CAPN15: variants seen among roughly 807,000 people sequenced by gnomAD.
CAPN15 encodes the protein calpain 15.
In CAPN15, 53 loss-of-function variants were observed where a neutral mutation model predicts 97.9. The ratio of observed to expected loss-of-function variants is 0.54; its 90% CI spans 0.43 to 0.68. The LOEUF is 0.68. Among genes scored for constraint, CAPN15 ranks in the 30% least tolerant of loss-of-function variants. The probability of loss-of-function intolerance (pLI) is 0.00; values close to 1 mark genes in which losing one functional copy is unlikely to be tolerated. For missense variants in CAPN15, 1,592 were observed against 1,589.8 expected (o/e 1.00, Z -0.02); for synonymous variants, 922 against 722.5 (o/e 1.28, Z -4.43).
chr16:531,570 C>T (rs977789732), intron 1 of CAPN15, among the ~76,000 whole-genome samples: 2 of 152,198 alleles, frequency 1.3e-5, no homozygotes, highest in Non-Finnish European at 1.5e-5. Context: ...CACGAGGCCT[C>T]CTCTGGGTTA....
At chr16:540,011 G>T (rs574086600) in intron 3 of CAPN15, 5 of 932,872 alleles carry the variant, frequency 5.4e-6, no homozygotes, top group Non-Finnish European at 5.1e-6. Context: ...AAGTCCTCCC[G>T]GGCTGTGTGT....
At chr16:538,307 A>ATT (rs2033872247) in intron 3 of CAPN15, 3 of 35,658 alleles carry the variant, frequency 8.4e-5, no homozygotes, top group African/African-American at 8.1e-4. Context: ...TTTTTTTTTG[A>ATT]TTTTTTTCCA....
intron 9 of CAPN15, 68 bp from the exon 10 acceptor site, chr16:551,983 G>T: frequency 6.7e-7 from 1 of 1,487,832 alleles, no homozygotes; most frequent in East Asian, 2.5e-5. Context: ...CTGTGGTTGC[G>T]GTAGGCGCTG....
In CAPN15 at chr16:528,041, C is replaced by G. The variant is rs1483721248; in HGVS notation, c.-190+12C>G. On this transcript the variant is annotated intron_variant, in intron 1 of 13. Transcript: ENST00000219611. ...GCCGGGCTGTGGAGGTGAGTCCCGT[C>G]GGCCGGGCCCGGCCGGGCGCCCAGC... 1 of 143,856 alleles carries G rather than the reference C, an allele frequency of 7.0e-6. No homozygotes were observed. Among genetic ancestry groups the G allele is most frequent in the Non-Finnish European group, 1.5e-5 (1 of 64,706 alleles). The allele number at this position is 143,856 out of a possible 1,614,324, so 8.9% of individuals were successfully genotyped here.
chr16:552,906 C>A lies in CAPN15; in HGVS notation c.2948C>A (p.Ala983Glu). 1 of 1,607,474 alleles carries A rather than the reference C, an allele frequency of 6.2e-7. No individual in the cohort carries two copies. The highest frequency in any genetic ancestry group is 8.5e-7 in the Non-Finnish European group (1 of 1,176,800). ...MTCYYLTHGW[A>E]GLIVVVENRH... ...TGCTACTACCTGACACACGGTTGGGCGGGGCTCATCGTGGTGGTGGAGAAC... is the reference window on the plus strand; with the variant it reads ...TGCTACTACCTGACACACGGTTGGGAGGGGCTCATCGTGGTGGTGGAGAAC... Residue 983 changes from alanine to glutamate, a missense_variant, in exon 13 of 14, where the codon GCG becomes GAG. Ala to Glu is a moderately radical substitution (Grantham distance 107, BLOSUM62 -1). Transcript: ENST00000219611. This position sits in a 1 kb window ranked among gnomAD's most constrained non-coding sequence, Gnocchi z 6.4.
chr16:547,769 G>A lies in CAPN15; in HGVS notation c.931G>A (p.Glu311Lys), dbSNP rs2034697865. 1 of 1,610,522 alleles carries A rather than the reference G, an allele frequency of 6.2e-7. No individual in the cohort carries two copies. Among genetic ancestry groups the A allele is most frequent in the South Asian group, 1.1e-5 (1 of 90,914 alleles). The change falls in exon 4 of 14, where the codon GAG (glutamate) becomes AAG (lysine). Residue 311 changes from glutamate to lysine, a missense_variant. Transcript: ENST00000219611. ...EATEGGTSRVEAGSSTSGSDI... is the reference protein window; with the variant it reads ...EATEGGTSRVKAGSSTSGSDI... Reference sequence around the variant, plus strand: ...CACGGAGGGTGGCACCAGCCGCGTAGAGGCCGGCAGCTCCACCTCGGGCAG... The same window carrying A: ...CACGGAGGGTGGCACCAGCCGCGTAAAGGCCGGCAGCTCCACCTCGGGCAG...
At chr16:536,484 G>A (rs1028720114) in intron 3 of CAPN15, among the ~76,000 whole-genome samples, 8 of 151,622 alleles carry the variant, frequency 5.3e-5, no homozygotes, top group African/African-American at 1.7e-4. Flanking sequence ...GTGCAGTGGC[G>A]CGGTCTCGGC....
rs1342425219 is a variant in CAPN15 at position 546,904 on chromosome 16, G to A, written c.66G>A (p.Gln22=). ...CTFLNPAGQR[Q]CSICEAPRHK... is the part of the protein sequence containing the mutation. ...TCCTGAACCCGGCCGGCCAGCGCCA[G>A]TGCTCCATCTGCGAGGCTCCCCGGC... The change falls in exon 4 of 14, where the codon CAG becomes CAA. Residue 22 remains glutamine, a synonymous_variant. Coordinates refer to ENST00000219611, the MANE Select transcript of CAPN15 (RefSeq NM_005632.3). 11 of 1,611,418 alleles carry A rather than the reference G, an allele frequency of 6.8e-6. No individual in the cohort carries two copies. Among genetic ancestry groups the A allele is most frequent in the Non-Finnish European group, 9.3e-6 (11 of 1,179,854 alleles).
At position 548,125 on chromosome 16, in the gene CAPN15, C is replaced by T; in HGVS notation, c.1287C>T (p.Ala429=). The change falls in exon 4 of 14, where the codon GCC becomes GCT. Residue 429 remains alanine (A), a synonymous_variant. Coordinates refer to ENST00000219611, the MANE Select transcript of CAPN15 (RefSeq NM_005632.3). ...GTACCCTGCTCAACGCACTGCGGGC[C>T]AAGCACTGCGCCGCCTGCCACACGC... ...PACTLLNALR[A]KHCAACHTPQ... is the part of the protein sequence containing the mutation. 1 of 1,533,756 alleles carries T rather than the reference C, an allele frequency of 6.5e-7. No homozygotes were observed. The highest frequency in any genetic ancestry group is 8.8e-7 in the Non-Finnish European group (1 of 1,141,384).
At chr16:550,862 C>T (rs866926259) in intron 7 of CAPN15, among the ~76,000 whole-genome samples, 2 of 131,434 alleles carry the variant, frequency 1.5e-5, no homozygotes, top group East Asian at 2.2e-4. Context: ...GTGAGGGTCC[C>T]GGTCGGTGAG....
At chr16:536,445 C>T (rs1406097282) in intron 3 of CAPN15, among the ~76,000 whole-genome samples, 8 of 149,748 alleles carry the variant, frequency 5.3e-5, no homozygotes, top group Admixed American at 2.0e-4. Context: ...TTTTTTGAGA[C>T]GGAGTCTCGC....
chr16:549,232 G>T lies in CAPN15; in HGVS notation c.1658+31G>T, dbSNP rs759349188. 3.2e-6 allele frequency: 4 copies of T among 1,249,594 alleles called. No homozygotes were observed. In the South Asian group the frequency reaches 3.8e-5, roughly 12 times the overall value. 77.4% of individuals were successfully genotyped at this position (1,249,594 alleles called of 1,614,324 possible). A position where few individuals can be genotyped will look rare whatever the true frequency, so the allele number is the denominator to read the frequency against. Reference sequence around the variant, plus strand: ...GCCTTCTCCAAGGCCGGGGTGGGGCGGGTGGGCGGGCGACCGGCCGCGGTC... The same window carrying T: ...GCCTTCTCCAAGGCCGGGGTGGGGCTGGTGGGCGGGCGACCGGCCGCGGTC... On this transcript the variant is annotated intron_variant, in intron 5 of 13. Coordinates refer to ENST00000219611, the MANE Select transcript of CAPN15 (RefSeq NM_005632.3).
intron 3 of CAPN15, among the ~76,000 whole-genome samples, chr16:542,418 G>A (rs369955813): frequency 1.3e-5 from 2 of 152,058 alleles, no homozygotes; most frequent in Non-Finnish European, 1.5e-5. Context: ...GGGTCCTGGC[G>A]TCTCCACTCC....
chr16:536,426 A>T (rs1265296342), intron 3 of CAPN15, among the ~76,000 whole-genome samples: 2 of 145,140 alleles, frequency 1.4e-5, no homozygotes, highest in Non-Finnish European at 3.0e-5. Flanking sequence ...CTGGGAGCCT[A>T]TTTTTTTTTT....
Position 552,015 on chromosome 16 carries a change from G to A in CAPN15, c.2346-36G>A, listed in dbSNP as rs368207412. 2 of 1,542,458 alleles carry A rather than the reference G, an allele frequency of 1.3e-6. No individual in the cohort carries two copies. Among genetic ancestry groups the A allele is most frequent in the African/African-American group, 1.4e-5 (1 of 72,940 alleles). Reference sequence around the variant, plus strand: ...GCTGAGCCACGGAGGTGTGGGCCGTGGTAGGCTCAGGGCCCCGTCCTCCCG... The same window carrying A: ...GCTGAGCCACGGAGGTGTGGGCCGTAGTAGGCTCAGGGCCCCGTCCTCCCG... On this transcript the variant is annotated intron_variant, in intron 9 of 13. Coordinates refer to ENST00000219611, the MANE Select transcript of CAPN15 (RefSeq NM_005632.3). This position sits in a 1 kb window ranked among gnomAD's most constrained non-coding sequence, Gnocchi z 6.4.
chr16:528,345 C>A (rs987839478), intron 1 of CAPN15, among the ~76,000 whole-genome samples: 2 of 152,198 alleles, frequency 1.3e-5, no homozygotes, highest in Non-Finnish European at 2.9e-5. Context: ...GCCGCGCACA[C>A]CGGAGGCGGC....
At chr16:550,713 C>CCCTGTCGGTGAGGGTT (rs2034940912) in intron 7 of CAPN15, among the ~76,000 whole-genome samples, 1 of 133,496 alleles carries the variant, frequency 7.5e-6, no homozygotes, top group African/African-American at 3.0e-5. Flanking sequence ...CGGTGAGGGT[C>CCCTGTCGGTGAGGGTT]CCCTGTCGGT....
chr16:549,779 C>A lies in CAPN15; in HGVS notation c.2007C>A (p.Arg669=). ...TGCAGCTCAGCTCCACTAACCCCCG[C>A]GAGGAGCCCGTTGACACTGACCTCA... ...LALQLSSTNP[R]EEPVDTDLIW... Residue 669 remains arginine (R), a synonymous_variant, in exon 7 of 14, where the codon CGC becomes CGA. Coordinates refer to ENST00000219611, the MANE Select transcript of CAPN15 (RefSeq NM_005632.3). The A allele has an allele frequency of 1.3e-6, 2 of 1,592,570 alleles. No individual in the cohort carries two copies. The highest frequency in any genetic ancestry group is 1.7e-6 in the Non-Finnish European group (2 of 1,169,660).
chr16:537,319 C>G (rs776618336), intron 3 of CAPN15: 2 of 985,416 alleles, frequency 2.0e-6, no homozygotes, highest in Non-Finnish European at 2.4e-6. Flanking sequence ...CGCTTCCTGC[C>G]CTGGGTGCAG....
Sources: allele counts gnomAD v4.1 joint callset (sites outside exome capture counted in the v4.1 genomes callset), GRCh38; gene constraint gnomAD v4.1.1; non-coding constraint Gnocchi (gnomAD v3.1); transcripts MANE v1.5; gene names NCBI Gene and HGNC (gene_info 2026-07-23, HGNC 2026-07-21).